The following ELAVL2 variants were observed in gnomAD, a reference collection of about 807,000 sequenced individuals.
ELAVL2 encodes the protein ELAV like RNA binding protein 2.
Under a neutral mutation model 34.6 loss-of-function variants are expected in ELAVL2, and 4 were observed. That is an observed-to-expected ratio of 0.12 (90% CI 0.06 to 0.26). The LOEUF (loss-of-function observed/expected upper bound fraction) is 0.26, where lower values mean the gene tolerates loss of function less well. Ranked by LOEUF, ELAVL2 falls within the 10% of genes least tolerant of loss-of-function variation. The pLI is 1.00. For synonymous variants in ELAVL2, 193 were observed against 154.8 expected (o/e 1.25, Z -1.83); for missense variants, 432 against 442.8 (o/e 0.98, Z 0.22).
At chr9:23,800,389 C>T (rs1016786864) in intron 1 of ELAVL2, among the ~76,000 whole-genome samples, 2 of 152,120 alleles carry the variant, frequency 1.3e-5, no homozygotes, top group Non-Finnish European at 1.5e-5. Context: ...CTTCACAACC[C>T]GGGATGGTAG....
chr9:23,732,878 G>A (rs572784842), intron 2 of ELAVL2, among the ~76,000 whole-genome samples: 1 of 152,116 alleles, frequency 6.6e-6, no homozygotes, highest in African/African-American at 2.4e-5. Flanking sequence ...GATGAAAGTG[G>A]ATCGTCACCC....
At chr9:23,726,829 T>C (rs1341549529) in intron 3 of ELAVL2, among the ~76,000 whole-genome samples, 1 of 152,082 alleles carries the variant, frequency 6.6e-6, no homozygotes, top group African/African-American at 2.4e-5. Context: ...TTTTCAATAC[T>C]TAAGACCCCT....
At chr9:23,769,532 T>C (rs901917674) in intron 1 of ELAVL2, among the ~76,000 whole-genome samples, 1 of 152,232 alleles carries the variant, frequency 6.6e-6, no homozygotes, top group Non-Finnish European at 1.5e-5. Context: ...TTAGTTTGTT[T>C]TCTTTAACTC....
At chr9:23,834,860 G>A in the ELAVL2 span, among the ~76,000 whole-genome samples, 1 of 151,964 alleles carries the variant, frequency 6.6e-6, no homozygotes, top group South Asian at 2.1e-4. Context: ...ATGGAACTGA[G>A]TCTGAGATCC....
intron 3 of ELAVL2, among the ~76,000 whole-genome samples, chr9:23,720,452 C>A (rs1169336821): frequency 6.6e-6 from 1 of 152,134 alleles, no homozygotes; most frequent in Non-Finnish European, 1.5e-5. Flanking sequence ...CAGGTATGAA[C>A]CACTGTGCCT....
the ELAVL2 span, among the ~76,000 whole-genome samples, chr9:23,844,284 AT>A: frequency 6.6e-6 from 1 of 151,936 alleles, no homozygotes; most frequent in Non-Finnish European, 1.5e-5. Flanking sequence ...CAGCACAGCC[AT>A]TTTTTCCAGC....
At chr9:23,797,739 CCA>C (rs2061119683) in intron 1 of ELAVL2, among the ~76,000 whole-genome samples, 1 of 151,918 alleles carries the variant, frequency 6.6e-6, no homozygotes, top group African/African-American at 2.4e-5. Context: ...ACCAATCTGA[CCA>C]ACATGGAGAA....
Position 23,802,364 on chromosome 9 carries a change from C to A in ELAVL2, c.-16+23442G>T, listed in dbSNP as rs1350992938. 3.3e-5 allele frequency among the ~76,000 whole-genome samples: 5 copies of A among 152,280 alleles called. No homozygotes were observed. In the South Asian group the frequency reaches 8.3e-4, roughly 25 times the overall value. ...TCAATTTTTAGACAGAGAAAGCAAG[C>A]CCCAAGACTTGGCCAAACTTTCTAG... On this transcript the variant is annotated intron_variant, in intron 1 of 6. Transcript: ENST00000397312.
At chr9:23,753,252 G>A (rs2052604184) in intron 2 of ELAVL2, among the ~76,000 whole-genome samples, 1 of 152,158 alleles carries the variant, frequency 6.6e-6, no homozygotes, top group Non-Finnish European at 1.5e-5. Flanking sequence ...AGTAGCAGCA[G>A]TGTACTCAGC....
intron 2 of ELAVL2, among the ~76,000 whole-genome samples, chr9:23,739,931 A>G (rs1046552124): frequency 6.6e-6 from 1 of 152,132 alleles, no homozygotes; most frequent in Non-Finnish European, 1.5e-5. Flanking sequence ...TTTTGAAACT[A>G]TGTCAGAGTC....
chr9:23,702,276 A>AC (rs2037531369), intron 4 of ELAVL2, among the ~76,000 whole-genome samples: 1 of 152,084 alleles, frequency 6.6e-6, no homozygotes, highest in Non-Finnish European at 1.5e-5. Flanking sequence ...AAAGACGTAG[A>AC]TTTTAAAAAT....
intron 5 of ELAVL2, among the ~76,000 whole-genome samples, chr9:23,695,558 G>A (rs959865690): frequency 3.9e-5 from 6 of 152,094 alleles, no homozygotes; most frequent in Admixed American, 6.5e-5. Flanking sequence ...AGGTGATCTC[G>A]TTGTTGTACG....
rs112555326 is a variant in ELAVL2, at chr9:23,776,624, C to T, written c.-15-14375G>A. On this transcript the variant is annotated intron_variant, in intron 1 of 6. Transcript: ENST00000397312. ...CCCCTCACGGAACTTCTCCAAAACA[C>T]ACCTGTGTCCTAAGAAGGTGTCCAA... Among the ~76,000 whole-genome samples, 19 of 151,872 alleles carry T rather than the reference C, an allele frequency of 1.3e-4. 1 individual carries two copies. Among genetic ancestry groups the T allele is most frequent in the African/African-American group, 4.1e-4 (17 of 41,372 alleles).
chr9:23,692,921 A>C, intron 6 of ELAVL2, 37 bp from the exon 7 acceptor site: 1 of 1,580,182 alleles, frequency 6.3e-7, no homozygotes, highest in Non-Finnish European at 8.6e-7. Context: ...CATACACACA[A>C]AAAATAAAAA....
chr9:23,819,654 CAACT>C (rs920788158), intron 1 of ELAVL2, among the ~76,000 whole-genome samples: 6 of 152,088 alleles, frequency 3.9e-5, no homozygotes, highest in South Asian at 2.1e-4. Context: ...AAGAAAAAAA[CAACT>C]AACTCCCTGA....
chr9:23,803,699 C>T (rs1329283657), intron 1 of ELAVL2, among the ~76,000 whole-genome samples: 1 of 151,942 alleles, frequency 6.6e-6, no homozygotes, highest in African/African-American at 2.4e-5. Flanking sequence ...TCCTTACATG[C>T]TAGGAGTACA....
intron 3 of ELAVL2, among the ~76,000 whole-genome samples, chr9:23,707,159 G>T (rs998332555): frequency 6.6e-6 from 1 of 152,194 alleles, no homozygotes; most frequent in East Asian, 1.9e-4. Flanking sequence ...GAACTTAAAT[G>T]TAAGTGAAGA....
chr9:23,811,695 T>C (rs1260988052), intron 1 of ELAVL2, among the ~76,000 whole-genome samples: 2 of 152,160 alleles, frequency 1.3e-5, no homozygotes, highest in Non-Finnish European at 2.9e-5. Flanking sequence ...AATAAAACTC[T>C]GGGGGAAACA....
At chr9:23,821,527 G>A (rs551568163) in intron 1 of ELAVL2, 155 of 152,360 alleles carry the variant, frequency 1.0e-3, no homozygotes, top group African/African-American at 3.7e-3. Context: ...GGCGCGCACA[G>A]ACCTTAGCCT....
Sources: gnomAD v4.1 joint callset for allele counts (sites outside exome capture counted in the v4.1 genomes callset) on GRCh38, gnomAD v4.1.1 for gene constraint, MANE v1.5 for transcripts, NCBI Gene and HGNC (gene_info 2026-07-23, HGNC 2026-07-21) for gene names.